ZNF184: variants seen among roughly 807,000 people sequenced by gnomAD.
ZNF184 encodes zinc finger protein 184 (Kruppel-like).
Under a neutral mutation model 54.4 loss-of-function variants are expected in ZNF184, and 16 were observed. The observed-to-expected ratio is 0.29, with a 90% CI of 0.20 to 0.45. ZNF184 has a LOEUF of 0.45. Among genes scored for constraint, ZNF184 ranks in the 20% least tolerant of loss-of-function variants. The probability of loss-of-function intolerance (pLI) is 1.00; values close to 1 mark genes in which losing one functional copy is unlikely to be tolerated. For missense variants in ZNF184, 681 were observed against 888.2 expected (o/e 0.77, Z 2.97); for synonymous variants, 254 against 295.3 (o/e 0.86, Z 1.43).
chr6:27,425,118 C>G, the ZNF184 span, among the ~76,000 whole-genome samples: 1 of 152,194 alleles, frequency 6.6e-6, no homozygotes, highest in African/African-American at 2.4e-5. Flanking sequence ...CCGGCTGCTC[C>G]GAGCGCGGGG....
the ZNF184 span, among the ~76,000 whole-genome samples, chr6:27,415,740 GC>G: frequency 1.3e-5 from 2 of 152,132 alleles, no homozygotes; most frequent in Non-Finnish European, 2.9e-5. Flanking sequence ...GAAAAAGTGG[GC>G]TCTGAAGTTG....
At chr6:27,435,638 CTTAA>C in the ZNF184 span, among the ~76,000 whole-genome samples, 5 of 152,022 alleles carry the variant, frequency 3.3e-5, no homozygotes, top group Non-Finnish European at 7.4e-5. Context: ...CTTTCTTTTT[CTTAA>C]TTAATTACTC....
At chr6:27,442,815 A>G in the ZNF184 span, among the ~76,000 whole-genome samples, 1 of 11,436 alleles carries the variant, frequency 8.7e-5, no homozygotes, top group African/African-American at 6.3e-4. Context: ...AAAGAAAGAG[A>G]AAGAAAGAAA....
the ZNF184 span, among the ~76,000 whole-genome samples, chr6:27,421,405 CTATATT>C: frequency 6.6e-6 from 1 of 152,086 alleles, no homozygotes; most frequent in African/African-American, 2.4e-5. Flanking sequence ...AAAATAAAGT[CTATATT>C]TATCCAATCT....
At chr6:27,437,468 C>G in the ZNF184 span, among the ~76,000 whole-genome samples, 1 of 152,128 alleles carries the variant, frequency 6.6e-6, no homozygotes, top group African/African-American at 2.4e-5. Context: ...TCTGAATAAG[C>G]TTGGAAGCAG....
intron 3 of ZNF184, among the ~76,000 whole-genome samples, chr6:27,458,314 A>AAAAAAAC: frequency 1.3e-5 from 2 of 150,506 alleles, no homozygotes; most frequent in South Asian, 2.1e-4. Context: ...AAAAAAAAAA[A>AAAAAAAC]AAAAAACAAT....
At chr6:27,437,377 G>A in the ZNF184 span, among the ~76,000 whole-genome samples, 1 of 152,158 alleles carries the variant, frequency 6.6e-6, no homozygotes, top group Non-Finnish European at 1.5e-5. Flanking sequence ...CTTTAGAGCT[G>A]AGACCAACCT....
the ZNF184 span, among the ~76,000 whole-genome samples, chr6:27,439,874 G>A: frequency 6.6e-6 from 1 of 151,994 alleles, no homozygotes; most frequent in Non-Finnish European, 1.5e-5. Context: ...GAATAAGAAG[G>A]GACAACTGTA....
At chr6:27,464,946 G>A (rs1445315636) in intron 3 of ZNF184, among the ~76,000 whole-genome samples, 3 of 148,712 alleles carry the variant, frequency 2.0e-5, no homozygotes, top group African/African-American at 7.5e-5. Context: ...GAACCCAGGA[G>A]GCGGAGCTTG....
the ZNF184 span, among the ~76,000 whole-genome samples, chr6:27,423,980 G>A: frequency 6.6e-6 from 1 of 152,186 alleles, no homozygotes; most frequent in African/African-American, 2.4e-5. Context: ...TGTTGTGTCT[G>A]GAAATGGTGG....
At chr6:27,413,006 G>C in the ZNF184 span, among the ~76,000 whole-genome samples, 1 of 152,258 alleles carries the variant, frequency 6.6e-6, no homozygotes, top group African/African-American at 2.4e-5. Context: ...GGAGGCCGAG[G>C]CAGGCAGATC....
the ZNF184 span, among the ~76,000 whole-genome samples, chr6:27,433,976 T>TCCTTCCTTTCTTCCTCTCCCTC: frequency 7.3e-6 from 1 of 136,148 alleles, no homozygotes; most frequent in Admixed American, 7.8e-5. Flanking sequence ...CTCCCTCCCT[T>TCCTTCCTTTCTTCCTCTCCCTC]CCTTCCTTCC....
chr6:27,421,182 G>A, the ZNF184 span, among the ~76,000 whole-genome samples: 3 of 152,196 alleles, frequency 2.0e-5, no homozygotes, highest in Non-Finnish European at 4.4e-5. Context: ...CTATACATTT[G>A]TTCAAATCTG....
At chr6:27,440,361 C>T in the ZNF184 span, among the ~76,000 whole-genome samples, 1 of 152,158 alleles carries the variant, frequency 6.6e-6, no homozygotes, top group Admixed American at 6.5e-5. Context: ...AGTTAAAAAC[C>T]TAAAGTTTCA....
chr6:27,444,211 G>A, the ZNF184 span, among the ~76,000 whole-genome samples: 2 of 151,960 alleles, frequency 1.3e-5, no homozygotes, highest in East Asian at 3.9e-4. Context: ...GAAAAAAATA[G>A]AAGCAATCAG....
chr6:27,443,481 G>A, the ZNF184 span, among the ~76,000 whole-genome samples: 3 of 152,184 alleles, frequency 2.0e-5, no homozygotes, highest in Non-Finnish European at 4.4e-5. Context: ...CGATATGTAT[G>A]TAATCAATCC....
chr6:27,424,137 G>A, the ZNF184 span, among the ~76,000 whole-genome samples: 79 of 152,236 alleles, frequency 5.2e-4, no homozygotes, highest in Non-Finnish European at 7.5e-4. Flanking sequence ...GGTCTCCCTG[G>A]CTCAGAAGTG....
Position 27,472,402 on chromosome 6 carries a change from A to G in ZNF184, c.-108T>C. On this transcript the variant is annotated 5_prime_UTR_variant, in exon 2 of 6. Coordinates refer to ENST00000683788, the MANE Select transcript of ZNF184 (RefSeq NM_001318891.2). This position sits in a 1 kb window ranked among gnomAD's most constrained non-coding sequence, Gnocchi z 4.8. ...GACTCAGATGTCTAACTCCCCTTGCAGGGAATCTGCAACACGCTGAGGTTG... is the reference window on the plus strand; with the variant it reads ...GACTCAGATGTCTAACTCCCCTTGCGGGGAATCTGCAACACGCTGAGGTTG... 4 of 1,451,884 alleles carry G rather than the reference A, an allele frequency of 2.8e-6. No individual in the cohort carries two copies. Among genetic ancestry groups the G allele is most frequent in the Non-Finnish European group, 3.8e-6 (4 of 1,042,918 alleles). 89.9% of individuals were successfully genotyped at this position (1,451,884 alleles called of 1,614,324 possible). A position where few individuals can be genotyped will look rare whatever the true frequency, so the allele number is the denominator to read the frequency against.
intron 5 of ZNF184, among the ~76,000 whole-genome samples, chr6:27,455,867 TC>T (rs1416577384): frequency 6.6e-6 from 1 of 152,216 alleles, no homozygotes; most frequent in Non-Finnish European, 1.5e-5. Flanking sequence ...TGTTTGTTTT[TC>T]CAGGGTCAGA....
Sources: gnomAD v4.1 joint callset for allele counts (sites outside exome capture counted in the v4.1 genomes callset) on GRCh38, gnomAD v4.1.1 for gene constraint, Gnocchi (gnomAD v3.1) non-coding constraint, MANE v1.5 for transcripts, NCBI Gene and HGNC (gene_info 2026-07-23, HGNC 2026-07-21) for gene names.